The following TTC34 variants were observed in gnomAD, a reference collection of about 807,000 sequenced individuals.
TTC34 encodes tetratricopeptide repeat protein 34.
A neutral mutation model predicts 40.7 loss-of-function variants in TTC34; 44 were observed. That is an observed-to-expected ratio of 1.08 (90% confidence interval 0.85 to 1.39). The LOEUF is 1.39. Ranked by LOEUF, TTC34 falls within the 40% of genes most tolerant of loss-of-function variation. The pLI is 0.00. For synonymous variants in TTC34, 422 were observed against 398.6 expected (o/e 1.06, Z -0.70); for missense variants, 884 against 838.0 (o/e 1.05, Z -0.68).
At chr1:2,683,323 A>C (rs1219091681) in intron 6 of TTC34, among the ~76,000 whole-genome samples, 2 of 145,990 alleles carry the variant, frequency 1.4e-5, no homozygotes, top group African/African-American at 5.2e-5. Flanking sequence ...CCAGGTGAGC[A>C]TCTGACAGAC....
chr1:2,685,177 C>T (rs1183423505), intron 6 of TTC34, among the ~76,000 whole-genome samples: 334 of 96,576 alleles, frequency 3.5e-3, no homozygotes, highest in Non-Finnish European at 3.9e-3. Flanking sequence ...GAGCATCTGA[C>T]TGCCTGGAAC....
At chr1:2,771,443 A>G (rs1283115676) in intron 6 of TTC34, among the ~76,000 whole-genome samples, 1 of 45,806 alleles carries the variant, frequency 2.2e-5, no homozygotes, top group African/African-American at 1.9e-4. Flanking sequence ...GCACCCTGCA[A>G]CCCCAGGTGA....
intron 6 of TTC34, among the ~76,000 whole-genome samples, chr1:2,681,231 C>A (rs1164441268): frequency 1.5e-3 from 169 of 110,682 alleles, no homozygotes; most frequent in African/African-American, 6.3e-3. Context: ...CACCCCCAGG[C>A]GAGCATCCGA....
At chr1:2,657,492 C>A (rs1335396182) in intron 6 of TTC34, among the ~76,000 whole-genome samples, 2 of 95,928 alleles carry the variant, frequency 2.1e-5, no homozygotes, top group Non-Finnish European at 5.5e-5. Flanking sequence ...AACGGAGCAG[C>A]ACCCACAACC....
intron 6 of TTC34, among the ~76,000 whole-genome samples, chr1:2,768,212 G>T (rs1262154258): frequency 6.6e-6 from 1 of 151,778 alleles, no homozygotes; most frequent in Non-Finnish European, 1.5e-5. Flanking sequence ...CCCACCCCTG[G>T]GTGAGGATGC....
chr1:2,646,512 G>A (rs539795832), intron 6 of TTC34, among the ~76,000 whole-genome samples: 1 of 152,278 alleles, frequency 6.6e-6, no homozygotes, highest in South Asian at 2.1e-4. Context: ...TGCCTCCGGA[G>A]TAGCTGGGAC....
chr1:2,656,368 A>C (rs1557589929), intron 6 of TTC34, among the ~76,000 whole-genome samples: 6 of 95,976 alleles, frequency 6.3e-5, no homozygotes, highest in African/African-American at 1.4e-4. Context: ...CTGGAACAGC[A>C]CCCACACCCA....
rs1262140166 is a variant in TTC34, at chr1:2,769,490, C to G, written c.2226+14119G>C. ...CACCTCCAGGGGAGCATCTGACATC[C>G]TGGAACAGCACCCCACACCCCCAGT... is the stretch of plus-strand genomic sequence containing the variant. On this transcript the variant is annotated intron_variant, in intron 6 of 8. Coordinates refer to ENST00000401095, the Ensembl canonical transcript of TTC34. Among the ~76,000 whole-genome samples the G allele has an allele frequency of 1.1e-4, 9 of 84,130 alleles. 1 individual carries two copies. The highest frequency in any genetic ancestry group is 5.6e-4 in the African/African-American group (9 of 15,986). 55.2% of individuals were successfully genotyped at this position (84,130 alleles called of 152,430 possible).
intron 6 of TTC34, among the ~76,000 whole-genome samples, chr1:2,759,542 T>A: frequency 6.6e-6 from 1 of 151,454 alleles, no homozygotes; most frequent in Non-Finnish European, 1.5e-5. Context: ...TCTGACAGCC[T>A]GGAACAGCAC....
chr1:2,656,456 C>G (rs200941341), intron 6 of TTC34, among the ~76,000 whole-genome samples: 3 of 23,450 alleles, frequency 1.3e-4, no homozygotes, highest in South Asian at 2.0e-3. Flanking sequence ...GCACCCTGCA[C>G]CCCCAGGTGC....
At chr1:2,759,870 G>C (rs1473818093) in intron 6 of TTC34, among the ~76,000 whole-genome samples, 35 of 66,818 alleles carry the variant, frequency 5.2e-4, no homozygotes, top group Admixed American at 1.0e-3. Flanking sequence ...GCCTGGAGTA[G>C]TATCCTGCAC....
At chr1:2,748,878 C>T (rs1488284151) in intron 6 of TTC34, among the ~76,000 whole-genome samples, 1 of 131,076 alleles carries the variant, frequency 7.6e-6, no homozygotes, top group Non-Finnish European at 1.6e-5. Flanking sequence ...GCAGCACCCA[C>T]ACCTTCAGGT....
chr1:2,768,480 GT>G (rs1641869400), intron 6 of TTC34, among the ~76,000 whole-genome samples: 1 of 150,046 alleles, frequency 6.7e-6, no homozygotes, highest in Non-Finnish European at 1.5e-5. Context: ...AATTTGATAA[GT>G]GGGGAAAAGC....
intron 6 of TTC34, among the ~76,000 whole-genome samples, chr1:2,753,246 G>C (rs1641385697): frequency 3.2e-3 from 379 of 118,780 alleles, no homozygotes; most frequent in Middle Eastern, 6.0e-3. Context: ...GCCTGGAGCA[G>C]CACCCACACC....
chr1:2,797,177 A>ATGG (rs1216642809), intron 2 of TTC34, among the ~76,000 whole-genome samples: 5 of 152,106 alleles, frequency 3.3e-5, no homozygotes, highest in African/African-American at 1.2e-4. Flanking sequence ...TCTCATGGGG[A>ATGG]TGGTGGCTGC....
chr1:2,673,511 C>G (rs1639778076), intron 6 of TTC34, among the ~76,000 whole-genome samples: 3 of 73,672 alleles, frequency 4.1e-5, no homozygotes, highest in South Asian at 3.5e-4. Context: ...GAACAACAGC[C>G]TGCACCACCA....
chr1:2,785,729 G>C, intron 5 of TTC34, 90 bp downstream of exon 5: 1 of 1,378,342 alleles, frequency 7.3e-7, no homozygotes, highest in Non-Finnish European at 9.7e-7. Context: ...GGGAGCATGC[G>C]TGTCCCCACC....
At chr1:2,675,186 G>A (rs1486552477) in intron 6 of TTC34, among the ~76,000 whole-genome samples, 3 of 122,756 alleles carry the variant, frequency 2.4e-5, no homozygotes, top group Admixed American at 8.4e-5. Flanking sequence ...TGACATCCTG[G>A]AGCAGCACCG....
At position 2,645,885 on chromosome 1, in the gene TTC34, C is replaced by T. The variant is rs937676915; in HGVS notation, c.2227-322G>A. On this transcript the variant is annotated intron_variant, in intron 6 of 8. Coordinates refer to ENST00000401095, the Ensembl canonical transcript of TTC34. This position sits in a 1 kb window ranked among gnomAD's most constrained non-coding sequence, Gnocchi z 4.7. ...TGAGGCTGCCTGCGGTCTGTGAGCCCTCCCTGGGTCCCTCGCTCTCCCAGC... is the reference window on the plus strand; with the variant it reads ...TGAGGCTGCCTGCGGTCTGTGAGCCTTCCCTGGGTCCCTCGCTCTCCCAGC... 6.6e-6 allele frequency among the ~76,000 whole-genome samples: 1 copy of T among 152,138 alleles called. No individual in the cohort carries two copies. The highest frequency in any genetic ancestry group is 1.5e-5 in the Non-Finnish European group (1 of 68,030).
Sources: allele counts gnomAD v4.1 joint callset (sites outside exome capture counted in the v4.1 genomes callset), GRCh38; gene constraint gnomAD v4.1.1; non-coding constraint Gnocchi (gnomAD v3.1); transcripts MANE v1.5; gene names NCBI Gene and HGNC (gene_info 2026-07-23, HGNC 2026-07-21).